CLK4: variants seen among roughly 807,000 people sequenced by gnomAD.
CLK4 encodes the protein CDC like kinase 4, also known as dual specificity protein kinase CLK4.
CLK4 carries 37 observed loss-of-function variants against 64.4 expected under a neutral mutation model. The observed-to-expected ratio is 0.57, with a 90% CI of 0.44 to 0.76. The LOEUF (loss-of-function observed/expected upper bound fraction) is 0.76. CLK4 is among the 30% of genes least tolerant of loss of function. The pLI is 0.00. For synonymous variants in CLK4, 175 were observed against 191.6 expected (o/e 0.91, Z 0.72); for missense variants, 457 against 605.1 (o/e 0.76, Z 2.57).
chr5:178,620,320 A>G (rs1455961261), intron 2 of CLK4: 5 of 241,090 alleles, frequency 2.1e-5, no homozygotes, highest in African/African-American at 1.1e-4. Flanking sequence ...AAAGTCCAAA[A>G]TCCTTCTATT....
At chr5:178,609,245 T>C (rs780794773) in intron 9 of CLK4, among the ~76,000 whole-genome samples, 16 of 152,192 alleles carry the variant, frequency 1.1e-4, no homozygotes, top group Non-Finnish European at 2.2e-4. Context: ...ATAAATAAAA[T>C]CTACATTCAA....
At chr5:178,610,534 T>C (rs1002311596) in intron 9 of CLK4, among the ~76,000 whole-genome samples, 5 of 152,100 alleles carry the variant, frequency 3.3e-5, no homozygotes, top group African/African-American at 7.2e-5. Context: ...TCTCCCAATC[T>C]CCTGATTCTT....
chr5:178,611,107 A>G (rs144057485), intron 9 of CLK4, among the ~76,000 whole-genome samples: 2,141 of 152,032 alleles, frequency 0.014, 20 homozygotes, highest in African/African-American at 0.029. Flanking sequence ...ACTATATACT[A>G]TATTTTACTC....
At chr5:178,613,705 C>A (rs781734453) in intron 6 of CLK4, 22 bp downstream of exon 6, 1 of 1,607,572 alleles carries the variant, frequency 6.2e-7, no homozygotes, top group Non-Finnish European at 8.5e-7. Flanking sequence ...TATGATGGCT[C>A]CTAGGTGAAA....
intron 11 of CLK4, 48 bp downstream of exon 11, chr5:178,605,255 A>T: frequency 8.9e-7 from 1 of 1,120,108 alleles, no homozygotes; most frequent in Non-Finnish European, 1.3e-6. Flanking sequence ...TAGTTTGAAT[A>T]TATGCTATTG....
rs1384347197 is a variant in CLK4, at chr5:178,618,774, A to G, written c.166T>C (p.Tyr56His). 4.3e-6 allele frequency: 7 copies of G among 1,610,696 alleles called. No individual in the cohort carries two copies. The South Asian group carries it at 5.5e-5, about 13-fold the overall frequency. ...TCATTCAAGGACCTTGCTTCTAAATAATGACTGCAAACACATTAAAAGATT... is the reference window on the plus strand; with the variant it reads ...TCATTCAAGGACCTTGCTTCTAAATGATGACTGCAAACACATTAAAAGATT... ...HHQFKESDCH[Y>H]LEARSLNERD... The change falls in exon 3 of 13, where the codon TAT becomes CAT. Residue 56 changes from tyrosine to histidine, a missense_variant. Coordinates refer to ENST00000316308, the MANE Select transcript of CLK4 (RefSeq NM_020666.3).
rs1451894907 is a variant in CLK4 at position 178,623,404 on chromosome 5, T to C, written c.13A>G (p.Lys5Glu). The change falls in exon 2 of 13, where the codon AAA (lysine) becomes GAA (glutamate). Residue 5 changes from lysine (K) to glutamate (E), a missense_variant. Lys to Glu is a moderately conservative substitution (Grantham distance 56). Coordinates refer to ENST00000316308, the MANE Select transcript of CLK4 (RefSeq NM_020666.3). ...TCCCAATCAGGACAGTGAGTTCTTT[T>C]GGAATGCCGCATCTGTTGATAGAAA... MRHS[K>E]RTHCPDWDSR... 3 of 1,610,396 alleles carry C rather than the reference T, an allele frequency of 1.9e-6. No homozygotes were observed. Among genetic ancestry groups the C allele is most frequent in the East Asian group, 2.2e-5 (1 of 44,746 alleles).
intron 2 of CLK4, chr5:178,622,595 C>A (rs1490915261): frequency 1.7e-5 from 3 of 178,706 alleles, no homozygotes; most frequent in Non-Finnish European, 3.2e-5. Context: ...TATATTACCT[C>A]CAAATTGTAC....
intron 9 of CLK4, among the ~76,000 whole-genome samples, chr5:178,611,225 T>C (rs1008656574): frequency 1.3e-5 from 2 of 152,176 alleles, no homozygotes; most frequent in African/African-American, 4.8e-5. Flanking sequence ...GAGGAATCTA[T>C]TGCCTTCTAA....
At position 178,618,632 on chromosome 5, in the gene CLK4, T is replaced by C; in HGVS notation, c.308A>G (p.Lys103Arg). The change falls in exon 3 of 13, where the codon AAA becomes AGA. Residue 103 changes from lysine (K) to arginine (R), a missense_variant. Transcript: ENST00000316308. Reference protein sequence around the residue: ...IESGYRIHCSKSSVRSRRSSP... With the variant: ...IESGYRIHCSRSSVRSRRSSP... ...GCTTCTCCTGCTGCGGACTGAAGAT[T>C]TACTGCAGTGGATTCGATACCCGCT... 5.0e-6 allele frequency: 8 copies of C among 1,614,102 alleles called. No individual in the cohort carries two copies. The highest frequency in any genetic ancestry group is 6.8e-6 in the Non-Finnish European group (8 of 1,179,974).
chr5:178,625,551 T>C (rs1036756280), intron 1 of CLK4, among the ~76,000 whole-genome samples: 1 of 152,132 alleles, frequency 6.6e-6, no homozygotes, highest in Non-Finnish European at 1.5e-5. Flanking sequence ...TTTTAAATCA[T>C]AGCAAGCAAA....
intron 5 of CLK4, among the ~76,000 whole-genome samples, chr5:178,616,336 G>A (rs1220993027): frequency 1.3e-5 from 2 of 152,126 alleles, no homozygotes; most frequent in Admixed American, 1.3e-4. Flanking sequence ...AACCTCAGGT[G>A]ATCCACCTGC....
rs755607635 is a variant in CLK4 at position 178,613,465 on chromosome 5, G to C, written c.826+8C>G. The C allele has an allele frequency of 4.7e-6, 7 of 1,493,748 alleles. No individual in the cohort carries two copies. Among genetic ancestry groups the C allele is most frequent in the Non-Finnish European group, 6.3e-6 (7 of 1,119,334 alleles). 92.5% of individuals were successfully genotyped at this position (1,493,748 alleles called of 1,614,324 possible). On this transcript the variant is annotated splice_region_variant and intron_variant, in intron 7 of 12. Coordinates refer to ENST00000316308, the MANE Select transcript of CLK4 (RefSeq NM_020666.3). ...AAATAAAAATAAAGATTTATCAAGT[G>C]TACTTACAATTTATTGACTGGCAGA...
intron 2 of CLK4, among the ~76,000 whole-genome samples, chr5:178,621,215 T>TCC: frequency 6.6e-6 from 1 of 152,194 alleles, no homozygotes; most frequent in Non-Finnish European, 1.5e-5. Context: ...GGGCCTTAGG[T>TCC]CATACTCACT....
chr5:178,605,142 A>AG (rs2113798556), intron 11 of CLK4, 161 bp downstream of exon 11: 3 of 331,856 alleles, frequency 9.0e-6, no homozygotes, highest in African/African-American at 6.7e-5. Flanking sequence ...AAAAAAAAAA[A>AG]GGAGTAAGAT....
At chr5:178,604,037 A>T in intron 11 of CLK4, 103 bp from the exon 12 acceptor site, 1 of 761,248 alleles carries the variant, frequency 1.3e-6, no homozygotes, top group South Asian at 1.8e-5. Context: ...CTCTAAGTGT[A>T]TAGACTTATA....
At chr5:178,620,022 G>T (rs1232925091) in intron 2 of CLK4, 4 of 377,126 alleles carry the variant, frequency 1.1e-5, no homozygotes, top group Non-Finnish European at 2.2e-5. Context: ...AGAATATGCT[G>T]TCATTCTTTT....
In CLK4 at chr5:178,612,565, T is replaced by C; in HGVS notation, c.922-20A>G. On this transcript the variant is annotated intron_variant, in intron 8 of 12. Coordinates refer to ENST00000316308, the MANE Select transcript of CLK4 (RefSeq NM_020666.3). ...ACGTTTCTAGAGAGACACAGTTGAG[T>C]AAACATGAAACTCAATAGATACATT... 2 of 1,611,234 alleles carry C rather than the reference T, an allele frequency of 1.2e-6. No individual in the cohort carries two copies. The highest frequency in any genetic ancestry group is 2.2e-5 in the East Asian group (1 of 44,814).
Position 178,612,406 on chromosome 5 carries a change from G to A in CLK4, c.1051+10C>T, listed in dbSNP as rs766723852. 5.6e-6 allele frequency: 9 copies of A among 1,594,052 alleles called. No individual in the cohort carries two copies. In the East Asian group the frequency reaches 2.0e-4, roughly 36 times the overall value. On this transcript the variant is annotated intron_variant, in intron 9 of 12. Transcript: ENST00000316308. ...CAATTATAATATTAGAAAGCCTGGTGTCTACTGACCCAAAATGACCTCGGG... is the reference window on the plus strand; with the variant it reads ...CAATTATAATATTAGAAAGCCTGGTATCTACTGACCCAAAATGACCTCGGG...
Sources: allele counts gnomAD v4.1 joint callset (sites outside exome capture counted in the v4.1 genomes callset), GRCh38; gene constraint gnomAD v4.1.1; transcripts MANE v1.5; gene names NCBI Gene and HGNC (gene_info 2026-07-23, HGNC 2026-07-21).